PPP2R2C: variants seen among roughly 807,000 people sequenced by gnomAD.
The protein encoded by PPP2R2C is protein phosphatase 2 regulatory subunit Bgamma, also known as protein phosphatase 2, regulatory subunit B, gamma.
In PPP2R2C, 10 loss-of-function variants were observed where a neutral mutation model predicts 45.3. That is an observed-to-expected ratio of 0.22 (90% CI 0.14 to 0.37). The LOEUF (loss-of-function observed/expected upper bound fraction) is 0.37, where lower values mean the gene tolerates loss of function less well. PPP2R2C is among the 10% of genes least tolerant of loss of function. The probability of loss-of-function intolerance (pLI) is 1.00; values close to 1 mark genes in which losing one functional copy is unlikely to be tolerated. For missense variants in PPP2R2C, 308 were observed against 619.7 expected, an observed-to-expected ratio of 0.50 and a Z score of 5.34; for synonymous variants, 257 against 245.4, an observed-to-expected ratio of 1.05 and a Z score of -0.44.
chr4:6,470,227 C>G (rs1022102141), intron 1 of PPP2R2C, among the ~76,000 whole-genome samples: 1 of 152,146 alleles, frequency 6.6e-6, no homozygotes, highest in African/African-American at 2.4e-5. Context: ...CGCACAAGGG[C>G]AGGGAGTCTT....
chr4:6,388,143 C>A (rs547091098), intron 1 of PPP2R2C, among the ~76,000 whole-genome samples: 3 of 152,206 alleles, frequency 2.0e-5, no homozygotes, highest in South Asian at 2.1e-4. Context: ...TCCTTCCCCC[C>A]CTGAGGTGCC....
In PPP2R2C at chr4:6,328,824, G is replaced by C. The variant is rs1261223798; in HGVS notation, c.1052+438C>G. Among the ~76,000 whole-genome samples the C allele has an allele frequency of 6.6e-6, 1 of 152,216 alleles. No homozygotes were observed. Among genetic ancestry groups the C allele is most frequent in the Non-Finnish European group, 1.5e-5 (1 of 68,036 alleles). On this transcript the variant is annotated intron_variant, in intron 8 of 8. Coordinates refer to ENST00000382599, the MANE Select transcript of PPP2R2C (RefSeq NM_020416.4). This position sits in a 1 kb window ranked among gnomAD's most constrained non-coding sequence, Gnocchi z 4.4. ...TCACCAGGAAGAGAGGGAGACAGTA[G>C]TGGTGATGGGAGGAGGGGTGAGTAG...
intron 1 of PPP2R2C, among the ~76,000 whole-genome samples, chr4:6,452,688 G>T (rs1018101324): frequency 6.6e-6 from 1 of 152,208 alleles, no homozygotes. Context: ...CCCAGTTTGG[G>T]GTTTTGATGA....
At chr4:6,548,364 G>A (rs994280774) in intron 1 of PPP2R2C, among the ~76,000 whole-genome samples, 4 of 152,156 alleles carry the variant, frequency 2.6e-5, no homozygotes, top group African/African-American at 7.2e-5. Flanking sequence ...CCACCTCCAA[G>A]CTTCCTGCTC....
intron 1 of PPP2R2C, among the ~76,000 whole-genome samples, chr4:6,462,729 T>G (rs893392910): frequency 6.6e-6 from 1 of 152,194 alleles, no homozygotes; most frequent in East Asian, 1.9e-4. Flanking sequence ...ATAACAGCAC[T>G]GGGCTACAAG....
At chr4:6,527,496 C>G (rs913368805) in intron 2 of PPP2R2C, among the ~76,000 whole-genome samples, 3 of 104,302 alleles carry the variant, frequency 2.9e-5, no homozygotes, top group African/African-American at 1.2e-4. Flanking sequence ...TGCCAAGTGC[C>G]CCAACCAACA....
chr4:6,413,322 C>T (rs925949859), intron 1 of PPP2R2C, among the ~76,000 whole-genome samples: 3 of 152,228 alleles, frequency 2.0e-5, no homozygotes, highest in Non-Finnish European at 4.4e-5. Context: ...CATATTCACA[C>T]GATACACACT....
chr4:6,349,519 A>G (rs910795236), intron 5 of PPP2R2C: 1 of 985,286 alleles, frequency 1.0e-6, no homozygotes, highest in African/African-American at 1.7e-5. Flanking sequence ...AAACTCTGAA[A>G]TCCATCTGCC....
intron 1 of PPP2R2C, among the ~76,000 whole-genome samples, chr4:6,538,412 C>T (rs563746613): frequency 6.6e-6 from 1 of 152,204 alleles, no homozygotes; most frequent in East Asian, 1.9e-4. Context: ...TTCATCGTCC[C>T]CAGCGACGCA....
intron 5 of PPP2R2C, among the ~76,000 whole-genome samples, chr4:6,370,008 G>A (rs887044518): frequency 2.0e-5 from 3 of 152,168 alleles, no homozygotes; most frequent in Admixed American, 6.5e-5. Flanking sequence ...AAAGGGTTTC[G>A]GCATCCATAG....
intron 2 of PPP2R2C, among the ~76,000 whole-genome samples, chr4:6,484,145 A>T (rs951478273): frequency 6.6e-6 from 1 of 152,034 alleles, no homozygotes; most frequent in Non-Finnish European, 1.5e-5. Flanking sequence ...GAGATCTATG[A>T]TCCATTTTGA....
rs1731750845 is a variant in PPP2R2C, at chr4:6,324,097, G to A, written c.1053-504C>T. 6.6e-6 allele frequency among the ~76,000 whole-genome samples: 1 copy of A among 152,114 alleles called. No homozygotes were observed. The highest frequency in any genetic ancestry group is 1.5e-5 in the Non-Finnish European group (1 of 68,018). ...CACCAACATGCAGACTTTGGGGCCAGGAGCTAAGATCCTTTTTATCCTCTG... is the reference window on the plus strand; with the variant it reads ...CACCAACATGCAGACTTTGGGGCCAAGAGCTAAGATCCTTTTTATCCTCTG... On this transcript the variant is annotated intron_variant, in intron 8 of 8. Transcript: ENST00000382599. This position sits in a 1 kb window ranked among gnomAD's most constrained non-coding sequence, Gnocchi z 4.1.
upstream of PPP2R2C, among the ~76,000 whole-genome samples, chr4:6,475,966 G>T (rs910096307): frequency 6.6e-6 from 1 of 152,086 alleles, no homozygotes; most frequent in Non-Finnish European, 1.5e-5. Context: ...CAAAGAGCTT[G>T]CCCACTCTCT....
intron 5 of PPP2R2C, among the ~76,000 whole-genome samples, chr4:6,355,299 T>C (rs941083583): frequency 4.6e-5 from 7 of 152,090 alleles, no homozygotes; most frequent in African/African-American, 1.4e-4. Flanking sequence ...GCTGTTAAAG[T>C]TGAGATAAGA....
At chr4:6,500,911 G>A (rs537852741) in intron 2 of PPP2R2C, among the ~76,000 whole-genome samples, 5 of 152,342 alleles carry the variant, frequency 3.3e-5, no homozygotes, top group South Asian at 4.1e-4. Flanking sequence ...TAACCACAGG[G>A]CTGCGAAGCC....
intron 2 of PPP2R2C, among the ~76,000 whole-genome samples, chr4:6,490,629 A>G (rs548748120): frequency 3.0e-4 from 46 of 152,264 alleles, no homozygotes; most frequent in Admixed American, 2.7e-3. Flanking sequence ...TGCAAACCAC[A>G]TCAGCCACAT....
intron 2 of PPP2R2C, among the ~76,000 whole-genome samples, chr4:6,512,264 T>C (rs1723627049): frequency 9.4e-6 from 1 of 105,912 alleles, no homozygotes; most frequent in African/African-American, 3.5e-5. Context: ...ATGGTGGTGG[T>C]GGTGATGGTG....
At chr4:6,404,653 G>C (rs12501097) in intron 1 of PPP2R2C, among the ~76,000 whole-genome samples, 9,142 of 120,740 alleles carry the variant, frequency 0.076, 638 homozygotes, top group East Asian at 0.37. Flanking sequence ...GAGGGATGCT[G>C]GTGTGGGCCC....
At chr4:6,478,985 G>A (rs1269905354) in intron 2 of PPP2R2C, among the ~76,000 whole-genome samples, 1 of 152,194 alleles carries the variant, frequency 6.6e-6, no homozygotes, top group African/African-American at 2.4e-5. Context: ...TAAGGGCAGG[G>A]AGGGCACTGA....
Sources: allele counts gnomAD v4.1 joint callset (sites outside exome capture counted in the v4.1 genomes callset), GRCh38; gene constraint gnomAD v4.1.1; non-coding constraint Gnocchi (gnomAD v3.1); transcripts MANE v1.5; gene names NCBI Gene and HGNC (gene_info 2026-07-23, HGNC 2026-07-21).